The following FAF1 variants were observed in gnomAD, a reference collection of about 807,000 sequenced individuals.
FAF1 encodes Fas associated factor 1, also known as FAS-associated factor 1.
FAF1 carries 25 observed loss-of-function variants against 92.5 expected under a neutral mutation model. The observed-to-expected ratio is 0.27, with a 90% CI of 0.20 to 0.38. The LOEUF is 0.38. Ranked by LOEUF, FAF1 falls within the 10% of genes least tolerant of loss-of-function variation. FAF1 has a pLI of 1.00. For missense variants in FAF1, 636 were observed against 793.3 expected (o/e 0.80, Z 2.38); for synonymous variants, 234 against 273.2 (o/e 0.86, Z 1.42).
chr1:50,842,438 T>A (rs753789706), intron 2 of FAF1, among the ~76,000 whole-genome samples: 1 of 152,154 alleles, frequency 6.6e-6, no homozygotes, highest in Non-Finnish European at 1.5e-5. Context: ...GCATATATTT[T>A]AATACTACAT....
chr1:50,757,289 T>C (rs924985479), intron 4 of FAF1, among the ~76,000 whole-genome samples: 7 of 152,238 alleles, frequency 4.6e-5, no homozygotes, highest in Non-Finnish European at 8.8e-5. Context: ...TTGTCTGTTG[T>C]TCTGAACATT....
At chr1:50,836,977 A>C (rs1255912487) in intron 2 of FAF1, among the ~76,000 whole-genome samples, 1 of 33,084 alleles carries the variant, frequency 3.0e-5, no homozygotes, top group Non-Finnish European at 5.4e-5. Flanking sequence ...TTTTTTTTTG[A>C]GATGGAGTCT....
intron 7 of FAF1, among the ~76,000 whole-genome samples, chr1:50,674,307 G>A (rs901690850): frequency 6.6e-6 from 1 of 151,890 alleles, no homozygotes; most frequent in Non-Finnish European, 1.5e-5. Flanking sequence ...ACTGAAACTG[G>A]AAAACTCTGT....
intron 2 of FAF1, among the ~76,000 whole-genome samples, chr1:50,837,292 T>C (rs1644216420): frequency 6.6e-6 from 1 of 152,146 alleles, no homozygotes; most frequent in South Asian, 2.1e-4. Context: ...TGGATCTAGA[T>C]CTACTTGGGG....
chr1:50,444,160 C>A (rs1157955338), intron 18 of FAF1, among the ~76,000 whole-genome samples: 3 of 152,064 alleles, frequency 2.0e-5, no homozygotes, highest in African/African-American at 7.2e-5. Context: ...TGAGAGAAAC[C>A]TAGGGGGATG....
chr1:50,465,898 A>C (rs1305055419), intron 18 of FAF1, among the ~76,000 whole-genome samples: 1 of 152,218 alleles, frequency 6.6e-6, no homozygotes, highest in East Asian at 1.9e-4. Flanking sequence ...ACAAATAGCA[A>C]AGATGCCAAG....
At chr1:50,561,602 T>C (rs1285332631) in intron 13 of FAF1, among the ~76,000 whole-genome samples, 1 of 151,876 alleles carries the variant, frequency 6.6e-6, no homozygotes, top group Non-Finnish European at 1.5e-5. Context: ...CTGAGGCAGG[T>C]GGATCATGAG....
chr1:50,451,369 G>A (rs1646291559), intron 18 of FAF1, among the ~76,000 whole-genome samples: 1 of 152,198 alleles, frequency 6.6e-6, no homozygotes, highest in South Asian at 2.1e-4. Context: ...GCTAAGTGCT[G>A]TATAAGCACT....
intron 6 of FAF1, among the ~76,000 whole-genome samples, chr1:50,719,573 C>G (rs189120208): frequency 6.6e-6 from 1 of 152,110 alleles, no homozygotes; most frequent in East Asian, 1.9e-4. Context: ...AATGTATTAA[C>G]CAAAGTATGT....
intron 2 of FAF1, among the ~76,000 whole-genome samples, chr1:50,828,393 C>G (rs1214193235): frequency 2.0e-5 from 3 of 151,994 alleles, no homozygotes; most frequent in Non-Finnish European, 4.4e-5. Flanking sequence ...CTCAGCCTCC[C>G]AAGCAGTTGG....
chr1:50,805,198 A>G (rs1375971005), intron 2 of FAF1, among the ~76,000 whole-genome samples: 1 of 152,222 alleles, frequency 6.6e-6, no homozygotes, highest in African/African-American at 2.4e-5. Context: ...TCATTATCAT[A>G]CTGTAATGTA....
At chr1:50,723,520 G>T (rs1030918519) in intron 6 of FAF1, among the ~76,000 whole-genome samples, 1 of 152,136 alleles carries the variant, frequency 6.6e-6, no homozygotes, top group African/African-American at 2.4e-5. Flanking sequence ...TCATGGTTGG[G>T]ATAACAGGGA....
At chr1:50,712,529 G>A (rs543272071) in intron 6 of FAF1, among the ~76,000 whole-genome samples, 41 of 152,214 alleles carry the variant, frequency 2.7e-4, no homozygotes, top group African/African-American at 8.4e-4. Flanking sequence ...GGTGGCACAC[G>A]CCTCTAATCC....
intron 7 of FAF1, among the ~76,000 whole-genome samples, chr1:50,695,427 T>TAACATCTAAAGGAGGCTTATTTCC (rs1417875217): frequency 6.6e-6 from 1 of 151,948 alleles, no homozygotes; most frequent in African/African-American, 2.4e-5. Context: ...TCCACTGTAT[T>TAACATCTAAAGGAGGCTTATTTCC]AACATCTAAA....
intron 15 of FAF1, among the ~76,000 whole-genome samples, chr1:50,520,720 C>G (rs369163228): frequency 6.6e-6 from 1 of 152,032 alleles, no homozygotes; most frequent in Non-Finnish European, 1.5e-5. Flanking sequence ...TGGTGGTGCA[C>G]GCCTGTAGTC....
chr1:50,635,646 G>A (rs1160145316), intron 8 of FAF1, among the ~76,000 whole-genome samples: 2 of 152,170 alleles, frequency 1.3e-5, no homozygotes, highest in South Asian at 2.1e-4. Flanking sequence ...GGCTTGTCTC[G>A]AACTGCTGAG....
In FAF1 at chr1:50,583,676, T is replaced by C; in HGVS notation, c.1007A>G (p.Gln336Arg). ...CCTTGAAGAAAACTCTGCTGTAAAT[T>C]GTAATAAGGCATCTCCTTCATTTTC... is the stretch of plus-strand genomic sequence containing the variant. Reference protein sequence around the residue: ...NAENEGDALLQFTAEFSSRYG... With the variant: ...NAENEGDALLRFTAEFSSRYG... Residue 336 changes from glutamine to arginine, a missense_variant, in exon 11 of 19, where the codon CAA (glutamine) becomes CGA (arginine). By Grantham distance (43) the Gln-to-Arg change is conservative (BLOSUM62 1). Transcript: ENST00000396153. This position sits in a 1 kb window ranked among gnomAD's most constrained non-coding sequence, Gnocchi z 4.2. 1 of 1,578,892 alleles carries C rather than the reference T, an allele frequency of 6.3e-7. No homozygotes were observed. Among genetic ancestry groups the C allele is most frequent in the Non-Finnish European group, 8.6e-7 (1 of 1,159,382 alleles).
intron 7 of FAF1, among the ~76,000 whole-genome samples, chr1:50,689,993 CTT>C (rs1159221059): frequency 8.2e-5 from 10 of 122,314 alleles, no homozygotes; most frequent in Admixed American, 2.5e-4. Context: ...CATTATATTT[CTT>C]TTTTTTTTTT....
chr1:50,491,109 T>C (rs767722568), intron 16 of FAF1, among the ~76,000 whole-genome samples: 4 of 152,190 alleles, frequency 2.6e-5, no homozygotes, highest in Non-Finnish European at 5.9e-5. Context: ...AGTTCACATA[T>C]ACCATCTCTT....
Sources: gnomAD v4.1 joint callset for allele counts (sites outside exome capture counted in the v4.1 genomes callset) on GRCh38, gnomAD v4.1.1 for gene constraint, Gnocchi (gnomAD v3.1) non-coding constraint, MANE v1.5 for transcripts, NCBI Gene and HGNC (gene_info 2026-07-23, HGNC 2026-07-21) for gene names.